Variants in NSUN6 observed in about 807,000 individuals in gnomAD.
The protein encoded by NSUN6 is tRNA (cytosine(72)-C(5))-methyltransferase NSUN6.
A neutral mutation model predicts 58.0 loss-of-function variants in NSUN6; 64 were observed. That is an observed-to-expected ratio of 1.10 (90% CI 0.90 to 1.36). The LOEUF (loss-of-function observed/expected upper bound fraction) is 1.36, where lower values mean the gene tolerates loss of function less well. NSUN6 is among the 40% of genes most tolerant of loss of function. NSUN6 has a pLI of 0.00. For synonymous variants in NSUN6, 231 were observed against 193.9 expected (o/e 1.19, Z -1.59); for missense variants, 701 against 550.1 (o/e 1.27, Z -2.74).
At position 18,606,483 on chromosome 10, in the gene NSUN6, T is replaced by C. The variant is rs7902450; in HGVS notation, c.657+3362A>G. ...ACAAATAGGACATTATGAGAAAAAC[T>C]GGTGAAATCTGAATACCAGTTGGAG... On this transcript the variant is annotated intron_variant, in intron 6 of 10. Coordinates refer to ENST00000377304, the MANE Select transcript of NSUN6 (RefSeq NM_182543.5). Among the ~76,000 whole-genome samples, 1,335 of 152,278 alleles carry C rather than the reference T, an allele frequency of 8.8e-3. 16 individuals carry two copies. The highest frequency in any genetic ancestry group is 0.033 in the South Asian group (160 of 4,818).
intron 4 of NSUN6, among the ~76,000 whole-genome samples, chr10:18,615,157 G>C (rs1223149525): frequency 6.6e-6 from 1 of 150,518 alleles, no homozygotes; most frequent in Admixed American, 6.6e-5. Context: ...ACATATATAC[G>C]TGTGTGTATA....
At chr10:18,609,304 CT>C (rs1249309812) in intron 6 of NSUN6, among the ~76,000 whole-genome samples, 1 of 151,986 alleles carries the variant, frequency 6.6e-6, no homozygotes, top group Non-Finnish European at 1.5e-5. Flanking sequence ...GAGTGAGAGC[CT>C]GTCTCAAAAT....
At position 18,567,326 on chromosome 10, in the gene NSUN6, GCATTC is replaced by G. The variant is rs574685819; in HGVS notation, c.923-15360_923-15356del. ...CCTCCATTCCATTCTATTCACCAAT[GCATTC>G]CATTCCATTCCATTCTATTCTCCAT... On this transcript the variant is annotated intron_variant, in intron 8 of 10. Coordinates refer to ENST00000377304, the MANE Select transcript of NSUN6 (RefSeq NM_182543.5). 1.9e-3 allele frequency among the ~76,000 whole-genome samples: 265 copies of G among 142,410 alleles called. 2 individuals are homozygous for G. The highest frequency in any genetic ancestry group is 6.5e-3 in the African/African-American group (248 of 38,330). The allele number at this position is 142,410 out of a possible 152,430, so 93.4% of individuals were successfully genotyped here.
At chr10:18,654,917 G>A (rs2059761696), upstream of NSUN6, 1 of 198,546 alleles carries the variant, frequency 5.0e-6, no homozygotes, top group Non-Finnish European at 9.0e-6. Flanking sequence ...GAAAGTAAAG[G>A]GAAGAATGAA....
chr10:18,571,413 C>A (rs1466124659), intron 8 of NSUN6, among the ~76,000 whole-genome samples: 1 of 151,208 alleles, frequency 6.6e-6, no homozygotes, highest in Non-Finnish European at 1.5e-5. Context: ...ATTCCATTCT[C>A]TATTCCATTC....
At chr10:18,573,621 G>A (rs950082952) in intron 8 of NSUN6, among the ~76,000 whole-genome samples, 2 of 152,118 alleles carry the variant, frequency 1.3e-5, no homozygotes, top group Non-Finnish European at 2.9e-5. Context: ...TCTCCAGTAC[G>A]TGGATGACCT....
intron 8 of NSUN6, among the ~76,000 whole-genome samples, chr10:18,562,852 G>A (rs1220682100): frequency 6.8e-6 from 1 of 146,964 alleles, no homozygotes; most frequent in African/African-American, 2.5e-5. Flanking sequence ...GTGGAATGGA[G>A]ATTCTTATGA....
At chr10:18,632,116 C>G (rs1457110632) in intron 3 of NSUN6, among the ~76,000 whole-genome samples, 4 of 151,558 alleles carry the variant, frequency 2.6e-5, no homozygotes, top group Admixed American at 6.6e-5. Flanking sequence ...CTACAACTAT[C>G]TGATCTTTGA....
chr10:18,610,894 T>G (rs1246695626), intron 5 of NSUN6, among the ~76,000 whole-genome samples: 1 of 151,940 alleles, frequency 6.6e-6, no homozygotes, highest in African/African-American at 2.4e-5. Flanking sequence ...ATAGTCTCAT[T>G]AAAAGGGAAG....
At chr10:18,606,775 A>G (rs2131298349) in intron 6 of NSUN6, among the ~76,000 whole-genome samples, 1 of 152,356 alleles carries the variant, frequency 6.6e-6, no homozygotes, top group Middle Eastern at 3.4e-3. Context: ...TATTAAAAAG[A>G]AAATCCAGGA....
intron 8 of NSUN6, among the ~76,000 whole-genome samples, chr10:18,574,648 T>C (rs549232144): frequency 6.6e-6 from 1 of 152,246 alleles, no homozygotes; most frequent in East Asian, 1.9e-4. Flanking sequence ...CTCAAACGTG[T>C]GAGCTGTTTG....
At chr10:18,622,395 G>A (rs2058641072) in intron 3 of NSUN6, among the ~76,000 whole-genome samples, 1 of 152,150 alleles carries the variant, frequency 6.6e-6, no homozygotes, top group African/African-American at 2.4e-5. Context: ...AGACAGTACT[G>A]ACATGAGTGA....
intron 6 of NSUN6, among the ~76,000 whole-genome samples, chr10:18,602,599 ACCT>A (rs1286203832): frequency 1.3e-5 from 2 of 151,630 alleles, no homozygotes; most frequent in African/African-American, 2.4e-5. Context: ...CGAACTCCTG[ACCT>A]CAAGTGATCC....
chr10:18,597,953 C>T (rs2057659230), intron 6 of NSUN6, among the ~76,000 whole-genome samples: 1 of 152,106 alleles, frequency 6.6e-6, no homozygotes, highest in African/African-American at 2.4e-5. Context: ...TTTAGGCACC[C>T]AAAGAGCTAA....
intron 2 of NSUN6, among the ~76,000 whole-genome samples, chr10:18,643,486 C>T (rs1451507102): frequency 6.6e-6 from 1 of 152,120 alleles, no homozygotes; most frequent in African/African-American, 2.4e-5. Context: ...CAGAAAACTT[C>T]TGAGATCAAC....
At chr10:18,559,797 G>A (rs2055338903) in intron 8 of NSUN6, among the ~76,000 whole-genome samples, 1 of 130,704 alleles carries the variant, frequency 7.7e-6, no homozygotes, top group African/African-American at 2.7e-5. Flanking sequence ...GAAGCGAATG[G>A]AGAATAGAAT....
chr10:18,601,146 C>A (rs916705912), intron 6 of NSUN6, among the ~76,000 whole-genome samples: 6 of 151,184 alleles, frequency 4.0e-5, no homozygotes, highest in Admixed American at 6.6e-5. Flanking sequence ...AGTTATAAAC[C>A]AGTGCAGGCT....
intron 6 of NSUN6, among the ~76,000 whole-genome samples, chr10:18,600,955 T>TGTATAC (rs1311744862): frequency 0.029 from 2,415 of 84,344 alleles, 200 homozygotes; most frequent in Non-Finnish European, 0.043. Context: ...TATATATATA[T>TGTATAC]ATATACATAT....
chr10:18,639,326 C>G (rs1254929551), intron 3 of NSUN6, among the ~76,000 whole-genome samples: 6 of 152,036 alleles, frequency 3.9e-5, no homozygotes, highest in Non-Finnish European at 5.9e-5. Context: ...AACACAGTCT[C>G]TACTAAAAAT....
Sources: allele counts gnomAD v4.1 joint callset (sites outside exome capture counted in the v4.1 genomes callset), GRCh38; gene constraint gnomAD v4.1.1; transcripts MANE v1.5; gene names NCBI Gene and HGNC (gene_info 2026-07-23, HGNC 2026-07-21).